The following LRFN5 variants were observed in gnomAD, a reference collection of about 807,000 sequenced individuals.
The protein encoded by LRFN5 is leucine rich repeat and fibronectin type III domain containing 5, also known as leucine-rich repeat and fibronectin type-III domain-containing protein 5.
LRFN5 carries 24 observed loss-of-function variants against 45.6 expected under a neutral mutation model. That is an observed-to-expected ratio of 0.53 (90% CI 0.38 to 0.74). The LOEUF (loss-of-function observed/expected upper bound fraction) is 0.74. Among genes scored for constraint, LRFN5 ranks in the 30% least tolerant of loss-of-function variants. The pLI, the probability that LRFN5 is intolerant of heterozygous loss-of-function variation, is 0.00. For synonymous variants in LRFN5, 340 were observed against 313.8 expected (o/e 1.08, Z -0.88); for missense variants, 776 against 861.5 (o/e 0.90, Z 1.24).
chr14:41,775,741 T>C (rs746631015), intron 2 of LRFN5, among the ~76,000 whole-genome samples: 33 of 152,222 alleles, frequency 2.2e-4, no homozygotes, highest in Non-Finnish European at 3.4e-4. Flanking sequence ...TAAACCTTTT[T>C]ATAATGAGAA....
chr14:41,842,504 T>C (rs1381625228), intron 2 of LRFN5, among the ~76,000 whole-genome samples: 3 of 151,788 alleles, frequency 2.0e-5, no homozygotes, highest in Non-Finnish European at 4.4e-5. Flanking sequence ...AGTCTATTAG[T>C]ATTTGTACAT....
intron 1 of LRFN5, among the ~76,000 whole-genome samples, chr14:41,686,782 A>T (rs926173052): frequency 1.3e-5 from 2 of 152,102 alleles, no homozygotes; most frequent in Non-Finnish European, 2.9e-5. Flanking sequence ...GCATATGTTG[A>T]AGCAGTCTTG....
intron 1 of LRFN5, among the ~76,000 whole-genome samples, chr14:41,613,132 A>C (rs186722578): frequency 8.2e-4 from 125 of 152,252 alleles, no homozygotes; most frequent in Non-Finnish European, 5.4e-4. Context: ...TTTATTGTTT[A>C]AACTACAAAC....
chr14:41,756,200 T>C (rs1885372006), intron 1 of LRFN5, among the ~76,000 whole-genome samples: 1 of 152,178 alleles, frequency 6.6e-6, no homozygotes, highest in Non-Finnish European at 1.5e-5. Context: ...CCCTTAACAT[T>C]TTTTCCTTCA....
intron 1 of LRFN5, among the ~76,000 whole-genome samples, chr14:41,634,756 A>G (rs1888673097): frequency 6.6e-6 from 1 of 152,118 alleles, no homozygotes; most frequent in Non-Finnish European, 1.5e-5. Flanking sequence ...TTTAATTTGT[A>G]TCATTTTCAG....
At chr14:41,708,001 A>G (rs1883136389) in intron 1 of LRFN5, among the ~76,000 whole-genome samples, 1 of 152,108 alleles carries the variant, frequency 6.6e-6, no homozygotes, top group African/African-American at 2.4e-5. Context: ...TGAGCAATAA[A>G]TAAGATGACA....
chr14:41,778,799 T>A (rs564777162), intron 2 of LRFN5, among the ~76,000 whole-genome samples: 1 of 151,942 alleles, frequency 6.6e-6, no homozygotes, highest in Non-Finnish European at 1.5e-5. Flanking sequence ...ATGGTTATTA[T>A]AAAGTACATG....
At chr14:41,663,494 C>A (rs1007323524) in intron 1 of LRFN5, among the ~76,000 whole-genome samples, 2 of 151,838 alleles carry the variant, frequency 1.3e-5, no homozygotes, top group Non-Finnish European at 2.9e-5. Flanking sequence ...TACTATGAAC[C>A]CTTTGTGTAA....
chr14:41,717,919 C>G (rs1039452470), intron 1 of LRFN5, among the ~76,000 whole-genome samples: 12 of 152,020 alleles, frequency 7.9e-5, no homozygotes, highest in Admixed American at 6.6e-5. Context: ...ATTATAAATC[C>G]TACACCCATG....
chr14:41,637,384 G>A (rs1398721853), intron 1 of LRFN5, among the ~76,000 whole-genome samples: 2 of 152,020 alleles, frequency 1.3e-5, no homozygotes, highest in Non-Finnish European at 1.5e-5. Flanking sequence ...TAGAATCAAG[G>A]GAGGAAGGAA....
chr14:41,766,827 C>G (rs1389549917), intron 1 of LRFN5, 27 bp from the exon 2 acceptor site: 2 of 152,536 alleles, frequency 1.3e-5, no homozygotes, highest in Non-Finnish European at 2.9e-5. Context: ...TTGATACACT[C>G]TTTTTTTGTG....
intron 1 of LRFN5, among the ~76,000 whole-genome samples, chr14:41,638,861 C>G (rs1879430935): frequency 6.6e-6 from 1 of 151,844 alleles, no homozygotes; most frequent in Admixed American, 6.6e-5. Context: ...AAATATTCTT[C>G]TAGAAATACA....
chr14:41,619,602 AAGAT>A (rs1290275170), intron 1 of LRFN5, among the ~76,000 whole-genome samples: 3 of 152,072 alleles, frequency 2.0e-5, no homozygotes, highest in Non-Finnish European at 4.4e-5. Flanking sequence ...AATCTAATGT[AAGAT>A]AGGTAATGTG....
intron 2 of LRFN5, among the ~76,000 whole-genome samples, chr14:41,783,709 T>A (rs1304467193): frequency 2.0e-5 from 3 of 147,412 alleles, no homozygotes; most frequent in South Asian, 2.1e-4. Flanking sequence ...AAAAAGGGGA[T>A]GTTCTGTTAT....
intron 1 of LRFN5, among the ~76,000 whole-genome samples, chr14:41,735,966 T>C (rs557691401): frequency 1.3e-5 from 2 of 152,336 alleles, no homozygotes; most frequent in African/African-American, 4.8e-5. Flanking sequence ...TAGTATTCCA[T>C]GGTGTATATG....
intron 1 of LRFN5, among the ~76,000 whole-genome samples, chr14:41,654,437 A>G (rs533790949): frequency 1.3e-5 from 2 of 152,134 alleles, no homozygotes; most frequent in South Asian, 2.1e-4. Flanking sequence ...ATAGTTTTTA[A>G]TATGTACATA....
At position 41,903,484 on chromosome 14, in the gene LRFN5, C is replaced by T. The variant is rs1193617908; in HGVS notation, c.2143-674C>T. On this transcript the variant is annotated intron_variant, in intron 5 of 5. Transcript: ENST00000298119. ...TTCATCAAGAATAGACTTCATTAGA[C>T]ATATCTTAAATCCATGAAGACTGAG... 3.3e-5 allele frequency among the ~76,000 whole-genome samples: 5 copies of T among 151,244 alleles called. No homozygotes were observed. In the East Asian group the frequency reaches 9.7e-4, roughly 29 times the overall value.
chr14:41,756,527 C>T (rs1885392474), intron 1 of LRFN5, among the ~76,000 whole-genome samples: 2 of 152,134 alleles, frequency 1.3e-5, no homozygotes, highest in African/African-American at 2.4e-5. Context: ...TCACTGATAC[C>T]CTTTCTTCCA....
In LRFN5 at chr14:41,748,374, T is replaced by C. The variant is rs548642991; in HGVS notation, c.-196-18480T>C. ...CAACTTATATATGATAGAGCATGGATAAATGTTGAGGAGATTATGCTAAAT... is the reference window on the plus strand; with the variant it reads ...CAACTTATATATGATAGAGCATGGACAAATGTTGAGGAGATTATGCTAAAT... On this transcript the variant is annotated intron_variant, in intron 1 of 5. Coordinates refer to ENST00000298119, the MANE Select transcript of LRFN5 (RefSeq NM_152447.5). Among the ~76,000 whole-genome samples the C allele has an allele frequency of 5.3e-5, 8 of 152,162 alleles. No individual in the cohort carries two copies. In the East Asian group the frequency reaches 1.5e-3, roughly 29 times the overall value.
Sources: gnomAD v4.1 joint callset for allele counts (sites outside exome capture counted in the v4.1 genomes callset) on GRCh38, gnomAD v4.1.1 for gene constraint, MANE v1.5 for transcripts, NCBI Gene and HGNC (gene_info 2026-07-23, HGNC 2026-07-21) for gene names.